Variants in PDE4C observed in about 807,000 individuals in gnomAD.
PDE4C encodes 3',5'-cyclic-AMP phosphodiesterase 4C.
Under a neutral mutation model 63.9 loss-of-function variants are expected in PDE4C, and 50 were observed. The observed-to-expected ratio is 0.78, with a 90% CI of 0.62 to 0.99. The LOEUF is 0.99. Among genes scored for constraint, PDE4C ranks in the 50% least tolerant of loss-of-function variants. PDE4C has a pLI of 0.00. For synonymous variants in PDE4C, 377 were observed against 385.1 expected (o/e 0.98, Z 0.25); for missense variants, 777 against 899.1 (o/e 0.86, Z 1.74).
At chr19:18,208,937 G>C (rs1967808450), downstream of PDE4C, 1 of 152,150 alleles carries the variant, frequency 6.6e-6, no homozygotes, top group South Asian at 2.1e-4. Flanking sequence ...TGCTGTCCTA[G>C]GGAAGGAGGA....
At chr19:18,246,225 C>A (rs1160676140) in intron 1 of PDE4C, among the ~76,000 whole-genome samples, 1 of 149,742 alleles carries the variant, frequency 6.7e-6, no homozygotes, top group East Asian at 2.0e-4. Context: ...GCTCTGTCAC[C>A]CAGCCTGGAG....
chr19:18,210,912 TTCACGCAGGGCTGGC>T, exon 15 of PDE4C: 8 of 1,573,870 alleles, frequency 5.1e-6, no homozygotes, highest in Non-Finnish European at 6.0e-6. Context: ...GCCCCTGCAG[TTCACGCAGGGCTGGC>T]CCTAAGTCCT....
intron 1 of PDE4C, among the ~76,000 whole-genome samples, chr19:18,222,963 G>A (rs1422246723): frequency 6.6e-6 from 1 of 151,606 alleles, no homozygotes; most frequent in Non-Finnish European, 1.5e-5. Flanking sequence ...GCCTCCCAAA[G>A]TGCTGGGATT....
chr19:18,233,972 C>G (rs1968904387), upstream of PDE4C, among the ~76,000 whole-genome samples: 1 of 152,204 alleles, frequency 6.6e-6, no homozygotes, highest in Non-Finnish European at 1.5e-5. Context: ...GCCCTAAAAC[C>G]CCCACCCATG....
At chr19:18,253,948 C>T in the PDE4C span, among the ~76,000 whole-genome samples, 1 of 152,248 alleles carries the variant, frequency 6.6e-6, no homozygotes, top group South Asian at 2.1e-4. Context: ...CTGGGCCAAA[C>T]TTTGTGCTTC....
intron 1 of PDE4C, among the ~76,000 whole-genome samples, chr19:18,241,313 C>CT (rs1969034187): frequency 8.5e-6 from 1 of 117,950 alleles, no homozygotes; most frequent in Non-Finnish European, 1.6e-5. Context: ...GTCGCCCAGG[C>CT]TGGAGTGCAG....
upstream of PDE4C, among the ~76,000 whole-genome samples, chr19:18,251,751 C>T (rs1237010279): frequency 8.0e-6 from 1 of 124,958 alleles, no homozygotes; most frequent in Non-Finnish European, 1.8e-5. Context: ...CCGCGCCCCG[C>T]CATTTTTAGA....
chr19:18,249,028 T>TAAAA (rs35271467), upstream of PDE4C, among the ~76,000 whole-genome samples: 5 of 136,356 alleles, frequency 3.7e-5, no homozygotes, highest in Non-Finnish European at 6.3e-5. Context: ...TCCATCTTAT[T>TAAAA]AAAAAAAAAA....
intron 10 of PDE4C, 21 bp downstream of exon 10, chr19:18,218,313 C>A (rs775441155): frequency 1.2e-6 from 2 of 1,613,742 alleles, no homozygotes. Flanking sequence ...CGCCCACCTG[C>A]CTGCAGTCAT....
intron 12 of PDE4C, 58 bp downstream of exon 12, chr19:18,216,683 G>C: frequency 1.3e-6 from 2 of 1,499,266 alleles, no homozygotes; most frequent in South Asian, 2.6e-5. Flanking sequence ...GTCTGCAGAT[G>C]AGAAGGATGC....
Position 18,220,892 on chromosome 19 carries a change from T to C in PDE4C, c.481A>G (p.Asn161Asp), listed in dbSNP as rs1197131362. Residue 161 changes from asparagine (N) to aspartate (D), a missense_variant, in exon 5 of 15, where the codon AAT becomes GAT. Asn to Asp is a conservative substitution (Grantham distance 23). Transcript: ENST00000262805. This position sits in a 1 kb window ranked among gnomAD's most constrained non-coding sequence, Gnocchi z 5.1. Reference sequence around the variant, plus strand: ...ACTTTACCTGCAGGAGGGAGCTGATTGCTGGATGAAGGGTTTCCGACGGGT... The same window carrying C: ...ACTTTACCTGCAGGAGGGAGCTGATCGCTGGATGAAGGGTTTCCGACGGGT... 5 of 1,608,838 alleles carry C rather than the reference T, an allele frequency of 3.1e-6. No individual in the cohort carries two copies. Among genetic ancestry groups the C allele is most frequent in the Non-Finnish European group, 4.2e-6 (5 of 1,178,516 alleles).
At chr19:18,216,679 A>G in intron 12 of PDE4C, 62 bp downstream of exon 12, 5 of 1,484,968 alleles carry the variant, frequency 3.4e-6, no homozygotes, top group Non-Finnish European at 4.5e-6. Context: ...TGCTGTCTGC[A>G]GATGAGAAGG....
In PDE4C at chr19:18,217,644, C is replaced by T. The variant is rs1463928695; in HGVS notation, c.1234+505G>A. 3.3e-5 allele frequency among the ~76,000 whole-genome samples: 5 copies of T among 152,150 alleles called. No individual in the cohort carries two copies. In the East Asian group the frequency reaches 9.6e-4, roughly 29 times the overall value. On this transcript the variant is annotated intron_variant, in intron 11 of 14. Transcript: ENST00000262805. ...GGGCGCGGTGGCTCGTGCCTGTAAT[C>T]CCAGCACTTTGGGAGGCTGAGGCAG...
chr19:18,232,529 G>A (rs1968871234), intron 1 of PDE4C, among the ~76,000 whole-genome samples: 2 of 151,788 alleles, frequency 1.3e-5, no homozygotes, highest in South Asian at 4.1e-4. Flanking sequence ...CGGACCCCCA[G>A]CTATGTTAGC....
intron 11 of PDE4C, 148 bp downstream of exon 11, chr19:18,218,001 A>C (rs1023041649): frequency 1.1e-5 from 7 of 653,022 alleles, no homozygotes; most frequent in Non-Finnish European, 1.9e-5. Flanking sequence ...CTGCTCCAAG[A>C]CCCTGAAGGG....
At chr19:18,213,635 T>A (rs1239215845) in intron 12 of PDE4C, 145 bp from the exon 13 acceptor site, 3 of 953,356 alleles carry the variant, frequency 3.1e-6, no homozygotes, top group Non-Finnish European at 4.5e-6. Flanking sequence ...TGCAACTGCA[T>A]TCACTGCAAA....
chr19:18,219,264 G>A (rs1286890226), exon 8 of PDE4C: 1 of 1,614,168 alleles, frequency 6.2e-7, no homozygotes, highest in South Asian at 1.1e-5. Flanking sequence ...GGTCAGTCTG[G>A]ACCCCAAAGC....
chr19:18,244,682 T>G (rs559304879), intron 1 of PDE4C, among the ~76,000 whole-genome samples: 2 of 151,924 alleles, frequency 1.3e-5, no homozygotes, highest in East Asian at 3.9e-4. Context: ...CCAGGTAATT[T>G]TGTATTGTTA....
intron 1 of PDE4C, among the ~76,000 whole-genome samples, chr19:18,239,484 G>C (rs990478208): frequency 6.6e-6 from 1 of 152,150 alleles, no homozygotes; most frequent in African/African-American, 2.4e-5. Flanking sequence ...AAAGGGGTAC[G>C]GATCCCTCAG....
Sources: gnomAD v4.1 joint callset for allele counts (sites outside exome capture counted in the v4.1 genomes callset) on GRCh38, gnomAD v4.1.1 for gene constraint, Gnocchi (gnomAD v3.1) non-coding constraint, MANE v1.5 for transcripts, NCBI Gene and HGNC (gene_info 2026-07-23, HGNC 2026-07-21) for gene names.